Variants in AFAP1 observed in about 807,000 individuals in gnomAD.
AFAP1 encodes the protein actin filament-associated protein 1.
A neutral mutation model predicts 93.9 loss-of-function variants in AFAP1; 75 were observed. That is an observed-to-expected ratio of 0.80 (90% confidence interval 0.66 to 0.97). The LOEUF is 0.97. Ranked by LOEUF, AFAP1 falls within the 50% of genes least tolerant of loss-of-function variation. The pLI, the probability that AFAP1 is intolerant of heterozygous loss-of-function variation, is 0.00. For missense variants in AFAP1, 1,201 were observed against 1,050.8 expected, an observed-to-expected ratio of 1.14 and a Z score of -1.98; for synonymous variants, 517 against 430.7, an observed-to-expected ratio of 1.20 and a Z score of -2.48.
rs887477171 is a variant in AFAP1, at chr4:7,781,371, C to G, written c.1782+5G>C. 5 of 1,550,930 alleles carry G rather than the reference C, an allele frequency of 3.2e-6. No homozygotes were observed. The South Asian group carries it at 3.6e-5, about 11-fold the overall frequency. On this transcript the variant is annotated splice_donor_5th_base_variant and intron_variant, in intron 13 of 17. Transcript: ENST00000420658. ...TCTAGAATCTTACAGAAGAAGATGC[C>G]GTACCTGCGAGTTGAGCCCGAGAGA... is the stretch of plus-strand genomic sequence containing the variant.
intron 16 of AFAP1, among the ~76,000 whole-genome samples, chr4:7,769,619 C>T (rs925566180): frequency 6.6e-6 from 1 of 150,896 alleles, no homozygotes. Context: ...GCTGGCTCTT[C>T]CATATGGGAT....
intron 3 of AFAP1, among the ~76,000 whole-genome samples, chr4:7,858,226 A>C (rs1192250881): frequency 2.6e-5 from 4 of 152,182 alleles, no homozygotes; most frequent in African/African-American, 9.7e-5. Context: ...TTACATATAC[A>C]CAGAGGCAGA....
chr4:7,776,480 C>T (rs1716142224), intron 14 of AFAP1: 1 of 152,176 alleles, frequency 6.6e-6, no homozygotes, highest in South Asian at 2.1e-4. Flanking sequence ...ATGTAGTGGA[C>T]ATTCACTGAC....
At chr4:7,841,080 C>A (rs1712952244) in intron 5 of AFAP1, among the ~76,000 whole-genome samples, 1 of 152,242 alleles carries the variant, frequency 6.6e-6, no homozygotes, top group Admixed American at 6.5e-5. Flanking sequence ...ATCTGGCAGT[C>A]CTAGCAGGCG....
chr4:7,773,377 C>T (rs1295496888), intron 15 of AFAP1: 4 of 209,828 alleles, frequency 1.9e-5, no homozygotes, highest in Admixed American at 5.2e-5. Flanking sequence ...CCTAACGCTC[C>T]GCCGATCCTT....
At chr4:7,919,239 C>CA (rs1249810470) in intron 1 of AFAP1, among the ~76,000 whole-genome samples, 4 of 152,186 alleles carry the variant, frequency 2.6e-5, no homozygotes, top group Non-Finnish European at 5.9e-5. Flanking sequence ...ATCAACAAAA[C>CA]AAAAAATACC....
At chr4:7,771,262 G>T (rs1241694822) in intron 16 of AFAP1, among the ~76,000 whole-genome samples, 1 of 151,188 alleles carries the variant, frequency 6.6e-6, no homozygotes, top group Non-Finnish European at 1.5e-5. Context: ...GCCCCCGCCG[G>T]TAACCACAGT....
At chr4:7,853,214 G>A (rs990969258) in intron 4 of AFAP1, among the ~76,000 whole-genome samples, 1 of 149,624 alleles carries the variant, frequency 6.7e-6, no homozygotes, top group African/African-American at 2.5e-5. Context: ...TAGGGCAGAG[G>A]GGAGCAGTGG....
At chr4:7,898,352 G>A (rs2149214401) in intron 1 of AFAP1, among the ~76,000 whole-genome samples, 1 of 152,088 alleles carries the variant, frequency 6.6e-6, no homozygotes, top group South Asian at 2.1e-4. Context: ...AGGTTGCAGT[G>A]AGCCAAAATC....
intron 1 of AFAP1, among the ~76,000 whole-genome samples, chr4:7,872,926 CTTTT>C (rs1166681967): frequency 8.4e-6 from 1 of 119,628 alleles, no homozygotes. Flanking sequence ...GTTTTTTTTC[CTTTT>C]TTTTTTTTTA....
chr4:7,764,360 G>A (rs1217554043), intron 17 of AFAP1, among the ~76,000 whole-genome samples: 3 of 151,824 alleles, frequency 2.0e-5, no homozygotes. Context: ...AGGCAACGTA[G>A]CGAGACCGCA....
At chr4:7,900,733 C>T (rs560827155) in intron 1 of AFAP1, among the ~76,000 whole-genome samples, 3 of 152,286 alleles carry the variant, frequency 2.0e-5, no homozygotes, top group East Asian at 3.9e-4. Context: ...ACCTTGGAAA[C>T]GGATAAACAC....
intron 17 of AFAP1, among the ~76,000 whole-genome samples, chr4:7,766,532 G>C (rs569371658): frequency 1.7e-5 from 2 of 119,870 alleles, no homozygotes; most frequent in African/African-American, 6.4e-5. Context: ...AGCAGGGCAG[G>C]AAACAGAATC....
At chr4:7,875,949 T>C (rs1039900441) in intron 1 of AFAP1, among the ~76,000 whole-genome samples, 2 of 152,160 alleles carry the variant, frequency 1.3e-5, no homozygotes, top group African/African-American at 2.4e-5. Flanking sequence ...GGTTATTATT[T>C]AATGGGGTTC....
intron 8 of AFAP1, among the ~76,000 whole-genome samples, chr4:7,814,553 G>T (rs1158619150): frequency 6.6e-6 from 1 of 152,200 alleles, no homozygotes; most frequent in Admixed American, 6.5e-5. Flanking sequence ...GCTGACTACG[G>T]TCCATCCACA....
chr4:7,851,558 C>G (rs1245548348), intron 4 of AFAP1, among the ~76,000 whole-genome samples: 1 of 152,220 alleles, frequency 6.6e-6, no homozygotes, highest in Non-Finnish European at 1.5e-5. Context: ...GATCTTGATA[C>G]TCGGGTAAAT....
chr4:7,846,012 G>A (rs746127171), intron 4 of AFAP1, among the ~76,000 whole-genome samples: 21 of 152,202 alleles, frequency 1.4e-4, no homozygotes, highest in Non-Finnish European at 2.5e-4. Context: ...CAGGCCTTGA[G>A]ACAAGCTATT....
At chr4:7,907,267 A>T (rs1719466297) in intron 1 of AFAP1, among the ~76,000 whole-genome samples, 1 of 152,186 alleles carries the variant, frequency 6.6e-6, no homozygotes, top group African/African-American at 2.4e-5. Context: ...TGACAGCTAA[A>T]CCACTGCTTC....
chr4:7,901,940 A>G (rs1461764542), intron 1 of AFAP1, among the ~76,000 whole-genome samples: 1 of 152,134 alleles, frequency 6.6e-6, no homozygotes, highest in African/African-American at 2.4e-5. Flanking sequence ...AGTGGAATGC[A>G]CCCCTCATTT....
Sources: gnomAD v4.1 joint callset for allele counts (sites outside exome capture counted in the v4.1 genomes callset) on GRCh38, gnomAD v4.1.1 for gene constraint, MANE v1.5 for transcripts, NCBI Gene and HGNC (gene_info 2026-07-23, HGNC 2026-07-21) for gene names.